COPS8: variants seen among roughly 807,000 people sequenced by gnomAD.
The protein encoded by COPS8 is COP9 signalosome complex subunit 8.
A neutral mutation model predicts 31.5 loss-of-function variants in COPS8; 11 were observed. The observed-to-expected ratio is 0.35, with a 90% CI of 0.22 to 0.58. The LOEUF is 0.58. Among genes scored for constraint, COPS8 ranks in the 20% least tolerant of loss-of-function variants. The pLI, the probability that COPS8 is intolerant of heterozygous loss-of-function variation, is 0.83. For missense variants in COPS8, 215 were observed against 255.1 expected (o/e 0.84, Z 1.07); for synonymous variants, 81 against 89.3 (o/e 0.91, Z 0.52).
chr2:237,087,823 C>A (rs1215223923), intron 2 of COPS8, among the ~76,000 whole-genome samples: 3 of 152,050 alleles, frequency 2.0e-5, no homozygotes, highest in African/African-American at 7.2e-5. Flanking sequence ...TCCCAGCTAC[C>A]TGGGAGGCTG....
chr2:237,085,990 G>A lies in COPS8; in HGVS notation c.26G>A (p.Ser9Asn). ...ATGCCAGTGGCGGTGATGGCGGAAA[G>A]CGCCTTTAGTTTCAAAAAGTTGCTG... The part of the protein sequence containing the change: MPVAVMAE[S>N]AFSFKKLLDQ... The change falls in exon 1 of 8, where the codon AGC (serine) becomes AAC (asparagine). Residue 9 changes from serine to asparagine, a missense_variant. Ser to Asn is a conservative substitution (Grantham distance 46). Transcript: ENST00000354371. The A allele has an allele frequency of 1.2e-6, 2 of 1,613,112 alleles. No individual in the cohort carries two copies. Among genetic ancestry groups the A allele is most frequent in the South Asian group, 2.2e-5 (2 of 90,940 alleles).
In COPS8 at chr2:237,087,247, A is replaced by G. The variant is rs1480603888; in HGVS notation, c.149+50A>G. 6.5e-6 allele frequency: 9 copies of G among 1,379,032 alleles called. No individual in the cohort carries two copies. In the East Asian group the frequency reaches 2.1e-4, roughly 32 times the overall value. 85.4% of individuals were successfully genotyped at this position (1,379,032 alleles called of 1,614,324 possible). The stretch of plus-strand genomic sequence containing the variant: ...AGAGCAACAGGTTTCTCAAAGTTAT[A>G]TGGAAATATTTCTGCACTGAAGTAG... On this transcript the variant is annotated intron_variant, in intron 2 of 7. Coordinates refer to ENST00000354371, the MANE Select transcript of COPS8 (RefSeq NM_006710.5).
At chr2:237,093,333 T>C (rs773265339) in intron 4 of COPS8, among the ~76,000 whole-genome samples, 1 of 152,180 alleles carries the variant, frequency 6.6e-6, no homozygotes, top group Non-Finnish European at 1.5e-5. Flanking sequence ...ATATGGAAAG[T>C]AAAATCCAGA....
At chr2:237,095,435 C>T (rs1290119704) in intron 5 of COPS8, among the ~76,000 whole-genome samples, 1 of 152,086 alleles carries the variant, frequency 6.6e-6, no homozygotes, top group Non-Finnish European at 1.5e-5. Context: ...ACAGGTAAAC[C>T]TTCCATATAT....
chr2:237,097,900 A>C lies in COPS8; in HGVS notation c.*158A>C, dbSNP rs972699639. On this transcript the variant is annotated 3_prime_UTR_variant, in exon 8 of 8. Coordinates refer to ENST00000354371, the MANE Select transcript of COPS8 (RefSeq NM_006710.5). ...ATAGAATATAAGATATACTATATACATTTTGTCCATAAACGTTATGCTGAA... is the reference window on the plus strand; with the variant it reads ...ATAGAATATAAGATATACTATATACCTTTTGTCCATAAACGTTATGCTGAA... 1 of 529,990 alleles carries C rather than the reference A, an allele frequency of 1.9e-6. No individual in the cohort carries two copies. Among genetic ancestry groups the C allele is most frequent in the African/African-American group, 1.9e-5 (1 of 52,110 alleles). 32.8% of individuals were successfully genotyped at this position (529,990 alleles called of 1,614,324 possible).
chr2:237,095,877 A>C lies in COPS8; in HGVS notation c.495A>C (p.Arg165Ser), dbSNP rs1239053824. 6.2e-7 allele frequency: 1 copy of C among 1,612,318 alleles called. No homozygotes were observed. The highest frequency in any genetic ancestry group is 8.5e-7 in the Non-Finnish European group (1 of 1,178,358). The change falls in exon 6 of 8, where the codon AGA becomes AGC. Residue 165 changes from arginine (R) to serine (S), a missense_variant. Arg to Ser is a moderately radical substitution (Grantham distance 110, BLOSUM62 -1). Transcript: ENST00000354371. ...ADSTTRMVLP[R>S]KPVAGALDVS... ...CCACCACAAGAATGGTTCTGCCCAG[A>C]AAGCCAGGTAGGTGGAGCTTTCACC...
At chr2:237,091,421 C>G (rs1696704202) in intron 4 of COPS8, among the ~76,000 whole-genome samples, 2 of 152,162 alleles carry the variant, frequency 1.3e-5, no homozygotes, top group Admixed American at 6.5e-5. Context: ...GTACCTTATT[C>G]TAAAGCACTA....
intron 2 of COPS8, 82 bp from the exon 3 acceptor site, chr2:237,088,523 C>A: frequency 2.0e-6 from 2 of 980,780 alleles, no homozygotes; most frequent in African/African-American, 1.6e-5. Context: ...GTATGTTTGG[C>A]TTGGGACCTG....
chr2:237,093,945 A>G, intron 4 of COPS8, 145 bp from the exon 5 acceptor site: 1 of 1,411,406 alleles, frequency 7.1e-7, no homozygotes, highest in African/African-American at 1.4e-5. Context: ...GGGCATATGT[A>G]TTTGTATCTA....
chr2:237,088,994 GGT>G (rs1228422776), intron 3 of COPS8, among the ~76,000 whole-genome samples: 1 of 152,084 alleles, frequency 6.6e-6, no homozygotes, highest in Non-Finnish European at 1.5e-5. Flanking sequence ...TTCCTATAAT[GGT>G]ACTTATTTTG....
chr2:237,097,893 T>C lies in COPS8; in HGVS notation c.*151T>C. 9.2e-6 allele frequency: 5 copies of C among 546,312 alleles called. No homozygotes were observed. The South Asian group carries it at 1.2e-4, about 13-fold the overall frequency. 33.8% of individuals were successfully genotyped at this position (546,312 alleles called of 1,614,324 possible). On this transcript the variant is annotated 3_prime_UTR_variant, in exon 8 of 8. Transcript: ENST00000354371. ...AATACATATAGAATATAAGATATAC[T>C]ATATACATTTTGTCCATAAACGTTA...
rs111953822 is a variant in COPS8 at position 237,096,860 on chromosome 2, C to A, written c.541C>A (p.Pro181Thr). Residue 181 changes from proline (P) to threonine (T), a missense_variant, in exon 7 of 8, where the codon CCC (proline) becomes ACC (threonine). Pro to Thr is a conservative substitution (Grantham distance 38). Transcript: ENST00000354371. ...ALDVSFNKFI[P>T]LSEPAPVPPI... ...GGATGTTTCCTTTAACAAGTTTATT[C>A]CCTTATCAGGTATGTATTTTCATAT... is the stretch of plus-strand genomic sequence containing the variant. 3.5e-5 allele frequency: 56 copies of A among 1,607,862 alleles called. No individual in the cohort carries two copies. The highest frequency in any genetic ancestry group is 4.5e-5 in the Non-Finnish European group (53 of 1,176,452).
At chr2:237,094,672 G>A (rs952521996) in intron 5 of COPS8, among the ~76,000 whole-genome samples, 5 of 151,990 alleles carry the variant, frequency 3.3e-5, no homozygotes, top group African/African-American at 1.2e-4. Context: ...ATAGAATACT[G>A]TATACACCTG....
Position 237,087,651 on chromosome 2 carries a change from C to T in COPS8, c.149+454C>T, listed in dbSNP as rs142037205. On this transcript the variant is annotated intron_variant, in intron 2 of 7. Transcript: ENST00000354371. The stretch of plus-strand genomic sequence containing the variant: ...GTCAGAAAGCATAACTACTCTAGGC[C>T]GGGCGCCGTGGCACACGCCTGTAAT... 3.3e-3 allele frequency: 692 copies of T among 210,736 alleles called. 6 individuals are homozygous for T. The highest frequency in any genetic ancestry group is 4.9e-3 in the Non-Finnish European group (487 of 98,716). The allele number at this position is 210,736 out of a possible 1,614,324, so 13.1% of individuals were successfully genotyped here. A position where few individuals can be genotyped will look rare whatever the true frequency, so the allele number is the denominator to read the frequency against.
intron 1 of COPS8, 59 bp downstream of exon 1, chr2:237,086,101 A>C: frequency 1.9e-5 from 28 of 1,487,388 alleles, no homozygotes; most frequent in Non-Finnish European, 2.6e-5. Flanking sequence ...CTGGGGCGGC[A>C]CCAGTTTCCA....
chr2:237,089,242 A>C (rs1228314620), intron 3 of COPS8, among the ~76,000 whole-genome samples: 1 of 152,202 alleles, frequency 6.6e-6, no homozygotes, highest in Non-Finnish European at 1.5e-5. Context: ...AATTCATCTA[A>C]ACTTTTGTTT....
At position 237,095,807 on chromosome 2, in the gene COPS8, A is replaced by C; in HGVS notation, c.440-15A>C. 1 of 1,574,028 alleles carries C rather than the reference A, an allele frequency of 6.4e-7. No individual in the cohort carries two copies. The stretch of plus-strand genomic sequence containing the variant: ...TTATTCTTTCCGGATCTTTATGTGT[A>C]ATATACTTTTTTAGGCATATTAGAA... On this transcript the variant is annotated splice_polypyrimidine_tract_variant and intron_variant, in intron 5 of 7. Coordinates refer to ENST00000354371, the MANE Select transcript of COPS8 (RefSeq NM_006710.5).
intron 4 of COPS8, among the ~76,000 whole-genome samples, chr2:237,092,729 G>C (rs1255131290): frequency 6.6e-6 from 1 of 152,186 alleles, no homozygotes; most frequent in African/African-American, 2.4e-5. Context: ...AGAAGGAAGA[G>C]CAGACAGTGG....
intron 5 of COPS8, among the ~76,000 whole-genome samples, chr2:237,094,565 T>C (rs1023835124): frequency 6.6e-6 from 1 of 152,142 alleles, no homozygotes; most frequent in African/African-American, 2.4e-5. Context: ...AGGCGCTTGC[T>C]TGCTCCCCAC....
Sources: gnomAD v4.1 joint callset for allele counts (sites outside exome capture counted in the v4.1 genomes callset) on GRCh38, gnomAD v4.1.1 for gene constraint, MANE v1.5 for transcripts, NCBI Gene and HGNC (gene_info 2026-07-23, HGNC 2026-07-21) for gene names.